NCOA2: variants seen among roughly 807,000 people sequenced by gnomAD.
The protein encoded by NCOA2 is class E basic helix-loop-helix protein 75.
Under a neutral mutation model 145.1 loss-of-function variants are expected in NCOA2, and 21 were observed. That is an observed-to-expected ratio of 0.14 (90% CI 0.10 to 0.21). NCOA2 has a LOEUF of 0.21. NCOA2 is among the 10% of genes least tolerant of loss of function. NCOA2 has a pLI of 1.00. For missense variants in NCOA2, 1,472 were observed against 1,837.6 expected (o/e 0.80, Z 3.64); for synonymous variants, 619 against 637.5 (o/e 0.97, Z 0.44).
At chr8:70,269,425 C>A (rs965257643) in intron 2 of NCOA2, among the ~76,000 whole-genome samples, 3 of 151,890 alleles carry the variant, frequency 2.0e-5, no homozygotes, top group Admixed American at 6.6e-5. Context: ...AGTTCAAGAC[C>A]AGCCTGGGCA....
intron 1 of NCOA2, among the ~76,000 whole-genome samples, chr8:70,399,978 C>A (rs997455842): frequency 2.6e-5 from 4 of 152,194 alleles, no homozygotes; most frequent in Non-Finnish European, 5.9e-5. Flanking sequence ...GCTCACAGAT[C>A]CTTGATGTTA....
At chr8:70,272,533 C>G (rs1391668969) in intron 2 of NCOA2, among the ~76,000 whole-genome samples, 4 of 152,102 alleles carry the variant, frequency 2.6e-5, no homozygotes, top group Admixed American at 6.6e-5. Flanking sequence ...TACCCCACAG[C>G]AGTCTCTTAA....
At chr8:70,323,462 T>C (rs1161092557) in intron 1 of NCOA2, among the ~76,000 whole-genome samples, 1 of 152,096 alleles carries the variant, frequency 6.6e-6, no homozygotes, top group Non-Finnish European at 1.5e-5. Context: ...ATGCTGACAG[T>C]GAAAAGCAGA....
At chr8:70,449,328 C>T in the NCOA2 span, among the ~76,000 whole-genome samples, 2,853 of 152,244 alleles carry the variant, frequency 0.019, 56 homozygotes, top group Non-Finnish European at 0.023. Context: ...GTTTTGGGCA[C>T]TATGAGCATT....
chr8:70,292,443 C>T (rs1199931288), intron 2 of NCOA2, among the ~76,000 whole-genome samples: 1 of 151,708 alleles, frequency 6.6e-6, no homozygotes, highest in African/African-American at 2.4e-5. Flanking sequence ...AGCCACCGCA[C>T]CCAGCCCTGA....
At chr8:70,325,543 C>T (rs535184147) in intron 1 of NCOA2, among the ~76,000 whole-genome samples, 1 of 151,998 alleles carries the variant, frequency 6.6e-6, no homozygotes, top group East Asian at 1.9e-4. Context: ...TCCTAAGTAG[C>T]TGGGACTACA....
Position 70,156,313 on chromosome 8 carries a change from C to T in NCOA2, c.2052G>A (p.Lys684=), listed in dbSNP as rs1432529427. The change falls in exon 11 of 23, where the codon AAG becomes AAA. Residue 684 remains lysine, a synonymous_variant. Transcript: ENST00000452400. ...GTCTGTGCAAAATTTTATGCTTCTC[C>T]TTGAGCGAGGTTCCATGTGTAGACC... The part of the protein sequence containing the change: ...GSGSTHGTSL[K]EKHKILHRLL... 6.2e-7 allele frequency: 1 copy of T among 1,613,766 alleles called. No individual in the cohort carries two copies. Among genetic ancestry groups the T allele is most frequent in the African/African-American group, 1.3e-5 (1 of 74,886 alleles).
At chr8:70,318,688 C>A (rs1805809076) in intron 1 of NCOA2, among the ~76,000 whole-genome samples, 4 of 152,156 alleles carry the variant, frequency 2.6e-5, no homozygotes, top group Admixed American at 2.0e-4. Flanking sequence ...TCATTTGAGC[C>A]CAGGAGGTTG....
intron 4 of NCOA2, among the ~76,000 whole-genome samples, chr8:70,188,632 A>C (rs1254936832): frequency 1.3e-5 from 2 of 152,192 alleles, no homozygotes; most frequent in African/African-American, 4.8e-5. Flanking sequence ...AACTAGCTTA[A>C]ATAATTTAAT....
At chr8:70,445,476 G>A in the NCOA2 span, among the ~76,000 whole-genome samples, 1 of 152,200 alleles carries the variant, frequency 6.6e-6, no homozygotes, top group Non-Finnish European at 1.5e-5. Flanking sequence ...ACGAGAGAAA[G>A]AGGAGGAGCT....
chr8:70,428,917 C>T, the NCOA2 span, among the ~76,000 whole-genome samples: 2 of 151,466 alleles, frequency 1.3e-5, no homozygotes, highest in African/African-American at 4.9e-5. Flanking sequence ...CAGCTACTTA[C>T]TGTGGGAAAC....
intron 12 of NCOA2, among the ~76,000 whole-genome samples, chr8:70,147,244 T>G (rs1811201289): frequency 6.6e-6 from 1 of 152,040 alleles, no homozygotes; most frequent in Non-Finnish European, 1.5e-5. Flanking sequence ...CCAATTCTCC[T>G]GCCTCGGCCT....
At chr8:70,169,135 T>G (rs1458446822) in intron 6 of NCOA2, among the ~76,000 whole-genome samples, 1 of 152,216 alleles carries the variant, frequency 6.6e-6, no homozygotes, top group Non-Finnish European at 1.5e-5. Context: ...CTTAGCATCA[T>G]CAATTTGAGA....
chr8:70,344,183 T>C (rs1443155995), intron 1 of NCOA2, among the ~76,000 whole-genome samples: 1 of 152,182 alleles, frequency 6.6e-6, no homozygotes, highest in Non-Finnish European at 1.5e-5. Context: ...TTAGGGGGCA[T>C]CAGGAATCCA....
chr8:70,268,243 G>A (rs1040930037), intron 2 of NCOA2, among the ~76,000 whole-genome samples: 3 of 152,054 alleles, frequency 2.0e-5, no homozygotes, highest in African/African-American at 7.2e-5. Context: ...ACAGTGGCTC[G>A]AAATCTCTCA....
chr8:70,363,293 G>T (rs968183212), intron 1 of NCOA2, among the ~76,000 whole-genome samples: 1 of 151,138 alleles, frequency 6.6e-6, no homozygotes, highest in Non-Finnish European at 1.5e-5. Flanking sequence ...TGAGGCAAAA[G>T]AATGGTGTGA....
chr8:70,205,365 C>A (rs1205910825), intron 4 of NCOA2, among the ~76,000 whole-genome samples: 1 of 151,992 alleles, frequency 6.6e-6, no homozygotes, highest in Non-Finnish European at 1.5e-5. Context: ...TATGTGTCAG[C>A]AATAATAAGT....
At position 70,112,644 on chromosome 8, in the gene NCOA2, A is replaced by AT. The variant is rs139564184; in HGVS notation, c.*987dup. 3,330 of 186,202 alleles carry AT rather than the reference A, an allele frequency of 0.018. 28 individuals carry two copies. Among genetic ancestry groups the AT allele is most frequent in the East Asian group, 0.059 (632 of 10,788 alleles). The allele number at this position is 186,202 out of a possible 1,614,324, so 11.5% of individuals were successfully genotyped here. ...TGCTCTTCTCCTTGCCAGTAAATGC[A>AT]TTTTTTTTTTCTGAAATTCAATACT... On this transcript the variant is annotated 3_prime_UTR_variant, in exon 23 of 23. Transcript: ENST00000452400.
intron 1 of NCOA2, among the ~76,000 whole-genome samples, chr8:70,379,397 A>C (rs187798981): frequency 4.9e-4 from 75 of 152,298 alleles, no homozygotes; most frequent in Admixed American, 2.3e-3. Context: ...CAAGATCCCT[A>C]ATAAAGATTT....
Sources: allele counts gnomAD v4.1 joint callset (sites outside exome capture counted in the v4.1 genomes callset), GRCh38; gene constraint gnomAD v4.1.1; transcripts MANE v1.5; gene names NCBI Gene and HGNC (gene_info 2026-07-23, HGNC 2026-07-21).